Variants in TULP4 observed in about 807,000 individuals in gnomAD.
TULP4 encodes TUB like protein 4, also known as tubby-related protein 4.
TULP4 carries 16 observed loss-of-function variants against 129.0 expected under a neutral mutation model. The ratio of observed to expected loss-of-function variants is 0.12; its 90% CI spans 0.08 to 0.19. TULP4 has a LOEUF of 0.19. Ranked by LOEUF, TULP4 falls within the 10% of genes least tolerant of loss-of-function variation. The probability of loss-of-function intolerance (pLI) is 1.00; values close to 1 mark genes in which losing one functional copy is unlikely to be tolerated. For synonymous variants in TULP4, 998 were observed against 854.0 expected (o/e 1.17, Z -2.94); for missense variants, 1,842 against 2,059.1 (o/e 0.89, Z 2.04).
At chr6:158,325,340 TGAGGAACAG>T (rs1261966309) in intron 1 of TULP4, among the ~76,000 whole-genome samples, 3 of 147,932 alleles carry the variant, frequency 2.0e-5, no homozygotes, top group African/African-American at 7.4e-5. Context: ...TGAAGGGATT[TGAGGAACAG>T]CTTTTCTTTT....
intron 11 of TULP4, among the ~76,000 whole-genome samples, chr6:158,497,114 A>G (rs76453248): frequency 0.093 from 14,151 of 152,242 alleles, 840 homozygotes; most frequent in Middle Eastern, 0.14. Flanking sequence ...TGGCCTCTCA[A>G]AGTGCTGGAA....
In TULP4 at chr6:158,313,455, T is replaced by C. The variant is rs1400317958; in HGVS notation, c.-562T>C. ...CTTTAGCAGCAGAAATTTGTCTAGT[T>C]CAGGAAACATGCTAGAGGGTGGCTT... On this transcript the variant is annotated 5_prime_UTR_variant, in exon 1 of 14. Coordinates refer to ENST00000367097, the MANE Select transcript of TULP4 (RefSeq NM_020245.5). The C allele has an allele frequency of 2.5e-6, 1 of 399,564 alleles. No homozygotes were observed. The highest frequency in any genetic ancestry group is 4.4e-6 in the Non-Finnish European group (1 of 226,798). 24.8% of individuals were successfully genotyped at this position (399,564 alleles called of 1,614,324 possible). A position where few individuals can be genotyped will look rare whatever the true frequency, so the allele number is the denominator to read the frequency against.
chr6:158,374,302 A>C (rs528528928), intron 1 of TULP4, among the ~76,000 whole-genome samples: 3 of 152,250 alleles, frequency 2.0e-5, no homozygotes, highest in South Asian at 2.1e-4. Flanking sequence ...AAAAAAAAAA[A>C]AAAAAACAAG....
intron 6 of TULP4, among the ~76,000 whole-genome samples, chr6:158,479,412 A>G (rs1256442706): frequency 6.6e-6 from 1 of 152,174 alleles, no homozygotes; most frequent in Non-Finnish European, 1.5e-5. Context: ...TGGCCTGGGG[A>G]CCTAATTACT....
At chr6:158,322,081 A>G (rs1779652676) in intron 1 of TULP4, among the ~76,000 whole-genome samples, 2 of 152,220 alleles carry the variant, frequency 1.3e-5, no homozygotes, top group African/African-American at 4.8e-5. Flanking sequence ...CTCAACATTC[A>G]GAGAGGTTAG....
At chr6:158,488,060 G>C (rs1446928314) in intron 8 of TULP4, among the ~76,000 whole-genome samples, 1 of 152,132 alleles carries the variant, frequency 6.6e-6, no homozygotes, top group Non-Finnish European at 1.5e-5. Context: ...GAGTCCGGGG[G>C]TTTAAGACAA....
chr6:158,449,956 T>C (rs1409399983), intron 4 of TULP4, among the ~76,000 whole-genome samples: 5 of 152,092 alleles, frequency 3.3e-5, no homozygotes, highest in African/African-American at 1.2e-4. Context: ...TAATGTATAG[T>C]GATCAGATCA....
intron 1 of TULP4, among the ~76,000 whole-genome samples, chr6:158,267,564 G>T (rs1294861256): frequency 2.0e-5 from 3 of 152,146 alleles, no homozygotes; most frequent in African/African-American, 7.2e-5. Flanking sequence ...GCTCTGTTAG[G>T]CCTCTGTGTA....
At chr6:158,499,835 TTTTAAC>T (rs1361076720) in intron 12 of TULP4, among the ~76,000 whole-genome samples, 1 of 152,158 alleles carries the variant, frequency 6.6e-6, no homozygotes, top group Non-Finnish European at 1.5e-5. Flanking sequence ...AGCCCAGTCT[TTTTAAC>T]TGAAAAAAGA....
At chr6:158,369,621 A>T (rs827993) in intron 1 of TULP4, among the ~76,000 whole-genome samples, 102,289 of 152,074 alleles carry the variant, frequency 0.67, 34,940 homozygotes, top group Middle Eastern at 0.74. Context: ...ACATTTTCAC[A>T]TGAGATTTTC....
chr6:158,241,166 G>C lies in TULP4; in HGVS notation n.68+8863G>C, dbSNP rs1267877900. Among the ~76,000 whole-genome samples the C allele has an allele frequency of 3.0e-5, 4 of 131,502 alleles. No homozygotes were observed. In the East Asian group the frequency reaches 7.2e-4, roughly 24 times the overall value. 86.3% of individuals were successfully genotyped at this position (131,502 alleles called of 152,430 possible). ...AGACGATGGGCGGCCGGGCAGAGAC[G>C]CTCCTCACTTCCTAGATGTGATGGC... On this transcript the variant is annotated intron_variant and non_coding_transcript_variant, in intron 1 of 1. Coordinates refer to the TULP4 transcript ENST00000620026.
At chr6:158,324,285 A>G (rs1287822802) in intron 1 of TULP4, among the ~76,000 whole-genome samples, 7 of 152,220 alleles carry the variant, frequency 4.6e-5, no homozygotes, top group African/African-American at 1.4e-4. Context: ...GACTATAGCC[A>G]TAATTAACGT....
intron 3 of TULP4, among the ~76,000 whole-genome samples, chr6:158,435,926 CT>C (rs11303299): frequency 0.24 from 35,716 of 146,754 alleles, 5,179 homozygotes; most frequent in Middle Eastern, 0.36. Context: ...AACTGGGACT[CT>C]TTTTTTTTTT....
At chr6:158,393,242 C>T (rs1045207449) in intron 1 of TULP4, among the ~76,000 whole-genome samples, 1 of 152,176 alleles carries the variant, frequency 6.6e-6, no homozygotes. Context: ...CAGGTCTGCC[C>T]CTGTGGCTCT....
chr6:158,436,700 A>G (rs1035336019), intron 3 of TULP4, among the ~76,000 whole-genome samples: 2 of 152,170 alleles, frequency 1.3e-5, no homozygotes, highest in Non-Finnish European at 2.9e-5. Flanking sequence ...TAAATCTGGT[A>G]TTTTCTTAGA....
At chr6:158,241,904 A>C in intron 1 of TULP4, 1 of 766,486 alleles carries the variant, frequency 1.3e-6, no homozygotes, top group East Asian at 2.5e-5. Context: ...GCTTTGTTAA[A>C]TTCTATAGCT....
rs1780648314 is a variant in TULP4, at chr6:158,508,229, CCTGGGCCTG to C, written c.*1539_*1547del. The C allele has an allele frequency of 6.6e-6, 1 of 152,202 alleles. No individual in the cohort carries two copies. Among genetic ancestry groups the C allele is most frequent in the African/African-American group, 2.4e-5 (1 of 41,436 alleles). The allele number at this position is 152,202 out of a possible 1,614,324, so 9.4% of individuals were successfully genotyped here. A position where few individuals can be genotyped will look rare whatever the true frequency, so the allele number is the denominator to read the frequency against. ...ATGTTGTTTAGGATCAGGCCCCTCT[CCTGGGCCTG>C]CTGTGCAGGAGCACAGGAACTATCT... is the stretch of plus-strand genomic sequence containing the variant. On this transcript the variant is annotated 3_prime_UTR_variant, in exon 14 of 14. Coordinates refer to ENST00000367097, the MANE Select transcript of TULP4 (RefSeq NM_020245.5).
At chr6:158,396,607 A>G (rs150713641) in intron 1 of TULP4, among the ~76,000 whole-genome samples, 12 of 152,340 alleles carry the variant, frequency 7.9e-5, no homozygotes, top group East Asian at 7.7e-4. Context: ...ATGTAATTAC[A>G]TATATGAAAG....
chr6:158,329,195 T>C (rs1779819145), intron 1 of TULP4, among the ~76,000 whole-genome samples: 1 of 152,214 alleles, frequency 6.6e-6, no homozygotes, highest in African/African-American at 2.4e-5. Context: ...GTTGCTGTTT[T>C]AGGGAATTCT....
Sources: allele counts gnomAD v4.1 joint callset (sites outside exome capture counted in the v4.1 genomes callset), GRCh38; gene constraint gnomAD v4.1.1; transcripts MANE v1.5; gene names NCBI Gene and HGNC (gene_info 2026-07-23, HGNC 2026-07-21).